KHDRBS2: variants seen among roughly 807,000 people sequenced by gnomAD.
The protein encoded by KHDRBS2 is KH RNA binding domain containing, signal transduction associated 2.
Under a neutral mutation model 44.3 loss-of-function variants are expected in KHDRBS2, and 26 were observed. The observed-to-expected ratio is 0.59, with a 90% CI of 0.43 to 0.81. The LOEUF is 0.81. Among genes scored for constraint, KHDRBS2 ranks in the 40% least tolerant of loss-of-function variants. KHDRBS2 has a pLI of 0.00. For synonymous variants in KHDRBS2, 194 were observed against 151.1 expected (o/e 1.28, Z -2.08); for missense variants, 476 against 433.1 (o/e 1.10, Z -0.88).
the KHDRBS2 span, among the ~76,000 whole-genome samples, chr6:61,554,854 AT>A: frequency 1.6e-4 from 24 of 152,158 alleles, no homozygotes; most frequent in African/African-American, 5.8e-4. Flanking sequence ...CTTCTGGCTT[AT>A]AGGATTTCTG....
At chr6:62,191,963 T>A (rs1361737548) in intron 1 of KHDRBS2, among the ~76,000 whole-genome samples, 1 of 152,050 alleles carries the variant, frequency 6.6e-6, no homozygotes, top group Non-Finnish European at 1.5e-5. Flanking sequence ...AAAGTGATAT[T>A]TTATGCATTT....
the KHDRBS2 span, among the ~76,000 whole-genome samples, chr6:61,584,970 T>C: frequency 2.0e-5 from 3 of 152,000 alleles, no homozygotes; most frequent in Non-Finnish European, 4.4e-5. Context: ...ATTTTTTCTA[T>C]GTAGCTGTGT....
chr6:61,588,123 C>T, the KHDRBS2 span, among the ~76,000 whole-genome samples: 1 of 152,304 alleles, frequency 6.6e-6, no homozygotes, highest in East Asian at 1.9e-4. Context: ...CCCTTAGTTC[C>T]ATTTCCATTT....
chr6:61,726,967 G>A (rs1178264750), intron 7 of KHDRBS2, among the ~76,000 whole-genome samples: 1 of 151,894 alleles, frequency 6.6e-6, no homozygotes, highest in Non-Finnish European at 1.5e-5. Flanking sequence ...ATAGCCAAGA[G>A]AATCCTAAGC....
At chr6:62,079,843 C>A (rs1016919037) in intron 2 of KHDRBS2, among the ~76,000 whole-genome samples, 2 of 151,930 alleles carry the variant, frequency 1.3e-5, no homozygotes, top group Non-Finnish European at 2.9e-5. Context: ...GTTTATAGTT[C>A]TCTTACCTTC....
chr6:61,587,804 C>T, the KHDRBS2 span, among the ~76,000 whole-genome samples: 1 of 152,116 alleles, frequency 6.6e-6, no homozygotes, highest in African/African-American at 2.4e-5. Flanking sequence ...CTCTCAATGC[C>T]CTTACACTGT....
At chr6:62,034,997 T>C (rs1352911269) in intron 3 of KHDRBS2, among the ~76,000 whole-genome samples, 2 of 151,920 alleles carry the variant, frequency 1.3e-5, no homozygotes, top group Non-Finnish European at 2.9e-5. Flanking sequence ...TAATAAATAA[T>C]AGCAAGGATG....
At chr6:62,270,078 T>C (rs1839826734) in intron 1 of KHDRBS2, among the ~76,000 whole-genome samples, 1 of 152,074 alleles carries the variant, frequency 6.6e-6, no homozygotes, top group Non-Finnish European at 1.5e-5. Context: ...GGAGGCGATA[T>C]AGTTTGAATA....
the KHDRBS2 span, among the ~76,000 whole-genome samples, chr6:61,590,057 G>A: frequency 3.9e-5 from 6 of 152,082 alleles, no homozygotes; most frequent in African/African-American, 1.2e-4. Flanking sequence ...AAAAATAGCA[G>A]CCAAATAGAA....
chr6:61,674,588 C>T, the KHDRBS2 span, among the ~76,000 whole-genome samples: 17 of 151,766 alleles, frequency 1.1e-4, 1 homozygote, highest in African/African-American at 4.1e-4. Context: ...CAGAAGATTC[C>T]ACTATCATTA....
At position 61,814,885 on chromosome 6, in the gene KHDRBS2, A is replaced by AAACTTGAG. The variant is rs374293475; in HGVS notation, c.810+79742_810+79749dup. 2.4e-3 allele frequency among the ~76,000 whole-genome samples: 361 copies of AAACTTGAG among 152,252 alleles called. 1 individual carries two copies. The highest frequency in any genetic ancestry group is 7.9e-3 in the African/African-American group (329 of 41,564). The stretch of plus-strand genomic sequence containing the variant: ...GGTTTAAGGACTCTGCAGGTTAACT[A>AAACTTGAG]AACTTGAGCACAAAAGCTCAAGTTC... On this transcript the variant is annotated intron_variant, in intron 6 of 8. Transcript: ENST00000281156.
At chr6:61,670,258 C>T in the KHDRBS2 span, among the ~76,000 whole-genome samples, 2 of 151,194 alleles carry the variant, frequency 1.3e-5, no homozygotes, top group African/African-American at 2.4e-5. Context: ...ATTATTTGTA[C>T]CTGAATTACT....
At chr6:61,543,248 A>C in the KHDRBS2 span, among the ~76,000 whole-genome samples, 1 of 152,050 alleles carries the variant, frequency 6.6e-6, no homozygotes, top group Non-Finnish European at 1.5e-5. Flanking sequence ...TAATGATCTC[A>C]AAAAAACTCT....
intron 6 of KHDRBS2, among the ~76,000 whole-genome samples, chr6:61,860,506 A>ATAAT: frequency 6.6e-6 from 1 of 152,132 alleles, no homozygotes; most frequent in African/African-American, 2.4e-5. Flanking sequence ...TTTGCCAAGG[A>ATAAT]TAATAGCCTC....
intron 1 of KHDRBS2, among the ~76,000 whole-genome samples, chr6:62,278,955 G>A (rs1248685678): frequency 1.3e-5 from 2 of 152,046 alleles, no homozygotes; most frequent in African/African-American, 2.4e-5. Flanking sequence ...TTAGCCAGGC[G>A]TGGTGGCGGG....
At chr6:62,048,179 A>T (rs891125246) in intron 2 of KHDRBS2, among the ~76,000 whole-genome samples, 185 bp from the exon 3 acceptor site, 5 of 150,894 alleles carry the variant, frequency 3.3e-5, no homozygotes, top group African/African-American at 1.2e-4. Flanking sequence ...CATTTCAGAT[A>T]TCTAATCTAA....
the KHDRBS2 span, among the ~76,000 whole-genome samples, chr6:61,617,617 T>C: frequency 1.1e-4 from 16 of 148,870 alleles, no homozygotes. Flanking sequence ...TTCTGAAAGC[T>C]TATTAACTGA....
chr6:62,151,549 C>T (rs1009958746), intron 2 of KHDRBS2, among the ~76,000 whole-genome samples: 1 of 152,100 alleles, frequency 6.6e-6, no homozygotes, highest in Non-Finnish European at 1.5e-5. Flanking sequence ...AACCCCACCA[C>T]AATTTAATCT....
chr6:62,070,585 C>A (rs901492828), intron 2 of KHDRBS2, among the ~76,000 whole-genome samples: 3 of 151,854 alleles, frequency 2.0e-5, no homozygotes, highest in African/African-American at 4.8e-5. Flanking sequence ...TGAGAACACG[C>A]GGTGTTCGGT....
Sources: gnomAD v4.1 joint callset for allele counts (sites outside exome capture counted in the v4.1 genomes callset) on GRCh38, gnomAD v4.1.1 for gene constraint, MANE v1.5 for transcripts, NCBI Gene and HGNC (gene_info 2026-07-23, HGNC 2026-07-21) for gene names.